Variants in NBN observed in about 807,000 individuals in gnomAD.
The protein encoded by NBN is Nijmegen breakage syndrome 1 (nibrin).
Under a neutral mutation model 90.8 loss-of-function variants are expected in NBN, and 88 were observed. The observed-to-expected ratio is 0.97, with a 90% CI of 0.82 to 1.16. The LOEUF is 1.16. Among genes scored for constraint, NBN ranks in the 50% most tolerant of loss-of-function variants. The pLI, the probability that NBN is intolerant of heterozygous loss-of-function variation, is 0.00. For synonymous variants in NBN, 328 were observed against 295.1 expected, an observed-to-expected ratio of 1.11 and a Z score of -1.14; for missense variants, 894 against 869.6, an observed-to-expected ratio of 1.03 and a Z score of -0.35.
At chr8:89,954,226 C>T (rs1810591344) in intron 10 of NBN, among the ~76,000 whole-genome samples, 1 of 152,072 alleles carries the variant, frequency 6.6e-6, no homozygotes, top group South Asian at 2.1e-4. Flanking sequence ...AAATACCAAA[C>T]ACTTTATGCA....
At chr8:89,948,632 A>C (rs1810307729) in intron 11 of NBN, among the ~76,000 whole-genome samples, 1 of 152,258 alleles carries the variant, frequency 6.6e-6, no homozygotes, top group African/African-American at 2.4e-5. Context: ...TTTCAGTAAT[A>C]CAGCAGTAAG....
In NBN at chr8:89,946,155, G is replaced by A. The variant is rs765458801; in HGVS notation, c.2055C>T (p.Phe685=). The A allele has an allele frequency of 3.8e-6, 6 of 1,592,704 alleles. No individual in the cohort carries two copies. The highest frequency in any genetic ancestry group is 5.2e-6 in the Non-Finnish European group (6 of 1,162,040). The part of the protein sequence containing the change: ...INDDYGQLKN[F]KKFKKVTYPG... Reference sequence around the variant, plus strand: ...AAATACCTACCTTTTTGAATTTCTTGAAATTTTTTAGTTGACCATAATCAT... The same window carrying A: ...AAATACCTACCTTTTTGAATTTCTTAAAATTTTTTAGTTGACCATAATCAT... Residue 685 remains phenylalanine, a synonymous_variant, in exon 13 of 16, where the codon TTC becomes TTT. Transcript: ENST00000265433.
intron 7 of NBN, among the ~76,000 whole-genome samples, chr8:89,967,154 T>C (rs766422807): frequency 6.6e-6 from 1 of 152,254 alleles, no homozygotes; most frequent in Admixed American, 6.5e-5. Flanking sequence ...GTGTGTACTC[T>C]GCTTTACTAC....
chr8:89,957,355 C>A (rs955413460), intron 9 of NBN, among the ~76,000 whole-genome samples: 3 of 152,110 alleles, frequency 2.0e-5, no homozygotes, highest in Admixed American at 6.5e-5. Context: ...AAACAGAAAA[C>A]CTTATCGAAT....
Position 89,935,578 on chromosome 8 carries a change from T to C in NBN, c.*4A>G. 1 of 1,610,354 alleles carries C rather than the reference T, an allele frequency of 6.2e-7. No individual in the cohort carries two copies. The highest frequency in any genetic ancestry group is 1.1e-5 in the South Asian group (1 of 91,042). ...TTTCCATGGCTTCTTTTTAAAATCC[T>C]CAGTTATCTTCTCCTTTTTAAATAA... On this transcript the variant is annotated 3_prime_UTR_variant, in exon 16 of 16. Coordinates refer to ENST00000265433, the MANE Select transcript of NBN (RefSeq NM_002485.5).
chr8:89,960,810 A>T (rs1810959475), intron 8 of NBN, among the ~76,000 whole-genome samples: 4 of 152,180 alleles, frequency 2.6e-5, no homozygotes, highest in African/African-American at 9.7e-5. Flanking sequence ...GGTATATAAC[A>T]AATGTTCAAT....
rs543852763 is a variant in NBN, at chr8:89,980,799, T to C, written c.415A>G (p.Thr139Ala). ...NQAILQLGGF[T>A]VNNWTEECTH... The stretch of plus-strand genomic sequence containing the variant: ...CATTCTTCTGTCCAATTGTTTACAG[T>C]AAATCCTCCAAGTTGCAATATAGCT... The change falls in exon 4 of 16, where the codon ACT (threonine) becomes GCT (alanine). Residue 139 changes from threonine to alanine, a missense_variant. Physicochemically the swap from Thr to Ala is moderately conservative, Grantham distance 58. Coordinates refer to ENST00000265433, the MANE Select transcript of NBN (RefSeq NM_002485.5). The C allele has an allele frequency of 1.3e-4, 203 of 1,613,582 alleles. 3 individuals are homozygous for C. In the South Asian group the frequency reaches 2.0e-3, roughly 16 times the overall value.
At position 89,935,510 on chromosome 8, in the gene NBN, C is replaced by T. The variant is rs2130735431; in HGVS notation, c.*72G>A. 5 of 1,576,384 alleles carry T rather than the reference C, an allele frequency of 3.2e-6. No homozygotes were observed. The highest frequency in any genetic ancestry group is 4.4e-6 in the Non-Finnish European group (5 of 1,148,270). On this transcript the variant is annotated 3_prime_UTR_variant, in exon 16 of 16. Coordinates refer to ENST00000265433, the MANE Select transcript of NBN (RefSeq NM_002485.5). Reference sequence around the variant, plus strand: ...AAATCGCTTCTATACACTATATATTCATATAACCTTGTTGGCCTGAAGTAG... The same window carrying T: ...AAATCGCTTCTATACACTATATATTTATATAACCTTGTTGGCCTGAAGTAG...
rs530438634 is a variant in NBN, at chr8:89,971,207, T to G, written c.668A>C (p.Lys223Thr). 6.2e-7 allele frequency: 1 copy of G among 1,613,058 alleles called. No homozygotes were observed. Among genetic ancestry groups the G allele is most frequent in the Non-Finnish European group, 8.5e-7 (1 of 1,179,456 alleles). Residue 223 changes from lysine to threonine, a missense_variant, in exon 6 of 16, where the codon AAA becomes ACA. Lys to Thr is a moderately conservative substitution (Grantham distance 78, BLOSUM62 -1). Coordinates refer to ENST00000265433, the MANE Select transcript of NBN (RefSeq NM_002485.5). ...ATTCAAAAATATAAATGTTTTCCCT[T>G]TGAAGATTTGTTTTCTTTCCTGCCG... ...SGRQERKQIF[K>T]GKTFIFLNAK...
intron 14 of NBN, among the ~76,000 whole-genome samples, chr8:89,942,803 C>T (rs1282049548): frequency 6.6e-6 from 1 of 151,926 alleles, no homozygotes; most frequent in Non-Finnish European, 1.5e-5. Flanking sequence ...AGTTGGAATT[C>T]CAGAAGGAGA....
chr8:89,955,157 G>A (rs756253201), intron 10 of NBN, 126 bp downstream of exon 10: 78 of 893,954 alleles, frequency 8.7e-5, no homozygotes, highest in Non-Finnish European at 1.1e-4. Context: ...GAGGGAAAGC[G>A]GTCAAAAAGC....
chr8:89,957,910 T>C (rs1037868319), intron 9 of NBN, among the ~76,000 whole-genome samples: 1 of 152,192 alleles, frequency 6.6e-6, no homozygotes, highest in African/African-American at 2.4e-5. Flanking sequence ...TATTATGTAC[T>C]TTATTTCTAT....
At chr8:89,964,557 T>C (rs772125533) in intron 7 of NBN, 50 bp from the exon 8 acceptor site, 16 of 1,510,022 alleles carry the variant, frequency 1.1e-5, no homozygotes, top group South Asian at 2.3e-5. Context: ...AACTAGCAAC[T>C]TTTATTCAGA....
intron 11 of NBN, among the ~76,000 whole-genome samples, chr8:89,952,176 G>A (rs1428281015): frequency 6.6e-6 from 1 of 152,068 alleles, no homozygotes; most frequent in Non-Finnish European, 1.5e-5. Context: ...TTTTATAGGG[G>A]AAAAAAGATC....
intron 7 of NBN, among the ~76,000 whole-genome samples, chr8:89,965,135 A>T (rs1005247902): frequency 4.1e-4 from 62 of 152,256 alleles, no homozygotes; most frequent in African/African-American, 1.4e-3. Flanking sequence ...ATTAAAAAAA[A>T]TCACCACAGG....
Position 89,964,516 on chromosome 8 carries a change from A to G in NBN, c.897-9T>C. 1 of 1,581,182 alleles carries G rather than the reference A, an allele frequency of 6.3e-7. No individual in the cohort carries two copies. On this transcript the variant is annotated splice_polypyrimidine_tract_variant and intron_variant, in intron 7 of 15. Transcript: ENST00000265433. Reference sequence around the variant, plus strand: ...TAGGTCTAAGACCTTGCCTATTAGAATAAAATAGTTTAAGTATGATAATAT... The same window carrying G: ...TAGGTCTAAGACCTTGCCTATTAGAGTAAAATAGTTTAAGTATGATAATAT...
intron 15 of NBN, chr8:89,936,080 G>C (rs1211605234): frequency 2.7e-6 from 1 of 376,690 alleles, no homozygotes; most frequent in South Asian, 2.0e-5. Context: ...AGTATTGTCT[G>C]TCAACACTTT....
rs148154218 is a variant in NBN, at chr8:89,983,964, C to A, written c.37+561G>T. On this transcript the variant is annotated intron_variant, in intron 1 of 15. Coordinates refer to ENST00000265433, the MANE Select transcript of NBN (RefSeq NM_002485.5). ...CAAGACCCTTCACACCCACCACGGG[C>A]AACCAATTAACATGTGATCACATTT... is the stretch of plus-strand genomic sequence containing the variant. 5.3e-5 allele frequency among the ~76,000 whole-genome samples: 8 copies of A among 152,306 alleles called. No individual in the cohort carries two copies. The East Asian group carries it at 1.4e-3, about 26-fold the overall frequency.
intron 8 of NBN, among the ~76,000 whole-genome samples, chr8:89,959,786 T>A (rs1452363301): frequency 6.6e-6 from 1 of 152,214 alleles, no homozygotes; most frequent in African/African-American, 2.4e-5. Flanking sequence ...CACTTATGAC[T>A]AGCTGAGTGA....
Sources: gnomAD v4.1 joint callset for allele counts (sites outside exome capture counted in the v4.1 genomes callset) on GRCh38, gnomAD v4.1.1 for gene constraint, MANE v1.5 for transcripts, NCBI Gene and HGNC (gene_info 2026-07-23, HGNC 2026-07-21) for gene names.